The following TLCD4 variants were observed in gnomAD, a reference collection of about 807,000 sequenced individuals.
TLCD4 encodes the protein TLC domain containing 4, also known as TLC domain-containing protein 4.
In TLCD4, 7 loss-of-function variants were observed where a neutral mutation model predicts 24.2. The ratio of observed to expected loss-of-function variants is 0.29; its 90% CI spans 0.16 to 0.54. TLCD4 has a LOEUF of 0.54. Ranked by LOEUF, TLCD4 falls within the 20% of genes least tolerant of loss-of-function variation. The probability of loss-of-function intolerance (pLI) is 0.95; values close to 1 mark genes in which losing one functional copy is unlikely to be tolerated. For missense variants in TLCD4, 259 were observed against 313.9 expected (o/e 0.82, Z 1.32); for synonymous variants, 103 against 106.4 (o/e 0.97, Z 0.20).
intron 4 of TLCD4, among the ~76,000 whole-genome samples, chr1:95,151,012 T>C (rs983878763): frequency 6.6e-6 from 1 of 152,158 alleles, no homozygotes; most frequent in Non-Finnish European, 1.5e-5. Flanking sequence ...TTTTTGTGAT[T>C]AAAAATAATG....
upstream of TLCD4, among the ~76,000 whole-genome samples, chr1:95,112,574 T>C (rs890004964): frequency 2.0e-5 from 3 of 152,144 alleles, no homozygotes; most frequent in African/African-American, 7.2e-5. Flanking sequence ...TAGAAAGGCA[T>C]TAGACATTTC....
chr1:95,101,781 G>A, the TLCD4 span, among the ~76,000 whole-genome samples: 5 of 152,156 alleles, frequency 3.3e-5, no homozygotes, highest in African/African-American at 1.2e-4. Context: ...ACTCTCAAAT[G>A]AGAAAAGAGG....
chr1:95,133,484 A>G (rs1170460489), intron 1 of TLCD4, among the ~76,000 whole-genome samples: 1 of 152,184 alleles, frequency 6.6e-6, no homozygotes, highest in Non-Finnish European at 1.5e-5. Flanking sequence ...GGATGGATCT[A>G]AAGTGCACAA....
chr1:95,121,584 C>T (rs28407988), intron 1 of TLCD4, among the ~76,000 whole-genome samples: 65 of 152,214 alleles, frequency 4.3e-4, no homozygotes, highest in African/African-American at 1.5e-3. Flanking sequence ...GATTCTCCTG[C>T]CTCAGCCTCC....
intron 5 of TLCD4, among the ~76,000 whole-genome samples, chr1:95,158,798 G>T (rs1477736820): frequency 6.6e-6 from 1 of 151,880 alleles, no homozygotes; most frequent in African/African-American, 2.4e-5. Flanking sequence ...TCAGAATGAT[G>T]GTTTCCAGCT....
rs1029980758 is a variant in TLCD4, at chr1:95,195,638, C to G, written c.*3770C>G. 1 of 152,154 alleles carries G rather than the reference C, an allele frequency of 6.6e-6. No individual in the cohort carries two copies. The highest frequency in any genetic ancestry group is 6.5e-5 in the Admixed American group (1 of 15,272). The allele number at this position is 152,154 out of a possible 1,614,324, so 9.4% of individuals were successfully genotyped here. A position where few individuals can be genotyped will look rare whatever the true frequency, so the allele number is the denominator to read the frequency against. ...GTGCGAGCCAGCATACAGCGAGACCCTTCATGTGTCTCTGGATGCACATAT... is the reference window on the plus strand; with the variant it reads ...GTGCGAGCCAGCATACAGCGAGACCGTTCATGTGTCTCTGGATGCACATAT... On this transcript the variant is annotated 3_prime_UTR_variant, in exon 7 of 7. Transcript: ENST00000370203.
upstream of TLCD4, among the ~76,000 whole-genome samples, chr1:95,115,099 T>TAC (rs749417599): frequency 1.1e-4 from 16 of 146,994 alleles, no homozygotes; most frequent in Non-Finnish European, 1.5e-4. Flanking sequence ...TATATATATA[T>TAC]ATATATAATA....
chr1:95,135,544 C>T (rs1391365361), intron 1 of TLCD4, among the ~76,000 whole-genome samples: 3 of 151,890 alleles, frequency 2.0e-5, no homozygotes, highest in Non-Finnish European at 4.4e-5. Context: ...ACAACAGCCG[C>T]ATACCACCAC....
the TLCD4 span, among the ~76,000 whole-genome samples, chr1:95,103,536 G>T: frequency 6.6e-6 from 1 of 152,278 alleles, no homozygotes; most frequent in Admixed American, 6.5e-5. Flanking sequence ...ATGTCAGTGA[G>T]TTATTTTTAT....
intron 4 of TLCD4, 41 bp downstream of exon 4, chr1:95,150,307 T>C: frequency 6.3e-7 from 1 of 1,599,540 alleles, no homozygotes; most frequent in Non-Finnish European, 8.5e-7. Flanking sequence ...CCTTGTAAAC[T>C]ACTCACGGAA....
At chr1:95,188,622 C>G (rs1039003566) in intron 6 of TLCD4, among the ~76,000 whole-genome samples, 6 of 152,080 alleles carry the variant, frequency 3.9e-5, no homozygotes, top group Non-Finnish European at 7.4e-5. Context: ...AGGTTATAAT[C>G]CAATACAACA....
chr1:95,129,281 T>C (rs921013932), intron 1 of TLCD4, among the ~76,000 whole-genome samples: 2 of 152,134 alleles, frequency 1.3e-5, no homozygotes, highest in African/African-American at 4.8e-5. Context: ...TATGTACTCT[T>C]GGAGGAGTAA....
At chr1:95,141,809 AC>A (rs1677204492) in intron 1 of TLCD4, among the ~76,000 whole-genome samples, 2 of 150,684 alleles carry the variant, frequency 1.3e-5, no homozygotes, top group South Asian at 2.1e-4. Flanking sequence ...ACACACACAC[AC>A]ACACACACAC....
chr1:95,140,009 C>T (rs1425483760), intron 1 of TLCD4, among the ~76,000 whole-genome samples: 4 of 152,254 alleles, frequency 2.6e-5, no homozygotes, highest in East Asian at 1.9e-4. Flanking sequence ...GATAATAACA[C>T]ACATGGAGCT....
chr1:95,115,088 T>TTATATATATATACATA (rs138716819), upstream of TLCD4, among the ~76,000 whole-genome samples: 2,300 of 143,806 alleles, frequency 0.016, 39 homozygotes, highest in Admixed American at 0.033. Flanking sequence ...TATATACACA[T>TTATATATATATACATA]TATATATATA....
chr1:95,132,220 C>G (rs1676915732), intron 1 of TLCD4, among the ~76,000 whole-genome samples: 1 of 151,860 alleles, frequency 6.6e-6, no homozygotes, highest in African/African-American at 2.4e-5. Context: ...TTTGGAAGGC[C>G]AAGGTGGGTG....
chr1:95,140,782 T>C (rs915036968), intron 1 of TLCD4: 23 of 152,264 alleles, frequency 1.5e-4, no homozygotes, highest in African/African-American at 5.1e-4. Flanking sequence ...ATTCCTATAC[T>C]TAATAATCAC....
At chr1:95,142,785 A>C (rs1002303295) in intron 1 of TLCD4, among the ~76,000 whole-genome samples, 2 of 152,124 alleles carry the variant, frequency 1.3e-5, no homozygotes, top group African/African-American at 2.4e-5. Flanking sequence ...CCCCGTCTCT[A>C]CTAAAAATAC....
intron 5 of TLCD4, among the ~76,000 whole-genome samples, chr1:95,170,648 G>A (rs1678178574): frequency 6.6e-6 from 1 of 152,024 alleles, no homozygotes; most frequent in Non-Finnish European, 1.5e-5. Flanking sequence ...ATCTTTCTAA[G>A]ATGTTTATGT....
Sources: allele counts gnomAD v4.1 joint callset (sites outside exome capture counted in the v4.1 genomes callset), GRCh38; gene constraint gnomAD v4.1.1; transcripts MANE v1.5; gene names NCBI Gene and HGNC (gene_info 2026-07-23, HGNC 2026-07-21).